Variants in ZNF133 observed in about 807,000 individuals in gnomAD.
ZNF133 encodes the protein zinc finger protein 133.
Under a neutral mutation model 54.9 loss-of-function variants are expected in ZNF133, and 26 were observed. The ratio of observed to expected loss-of-function variants is 0.47; its 90% CI spans 0.35 to 0.66. The LOEUF is 0.66. Among genes scored for constraint, ZNF133 ranks in the 30% least tolerant of loss-of-function variants. ZNF133 has a pLI of 0.01. For missense variants in ZNF133, 653 were observed against 820.8 expected (o/e 0.80, Z 2.50); for synonymous variants, 298 against 320.3 (o/e 0.93, Z 0.74).
intron 6 of ZNF133, among the ~76,000 whole-genome samples, chr20:18,307,182 G>GA (rs1312878369): frequency 6.6e-6 from 1 of 151,946 alleles, no homozygotes; most frequent in Admixed American, 6.5e-5. Flanking sequence ...TTAATTAAGA[G>GA]AAAAAATAGT....
intron 3 of ZNF133, among the ~76,000 whole-genome samples, chr20:18,302,575 A>T (rs146374969): frequency 1.2e-4 from 18 of 152,360 alleles, no homozygotes; most frequent in African/African-American, 4.1e-4. Flanking sequence ...ATATGCAAAA[A>T]TCTCACAGCT....
intron 6 of ZNF133, among the ~76,000 whole-genome samples, chr20:18,310,878 T>C (rs1180022383): frequency 6.6e-6 from 1 of 152,254 alleles, no homozygotes; most frequent in Non-Finnish European, 1.5e-5. Context: ...ATACATTTTT[T>C]GTCAATTTAA....
At position 18,316,108 on chromosome 20, in the gene ZNF133, C is replaced by G. The variant is rs1313498401; in HGVS notation, c.1257C>G (p.Phe419Leu). 5 of 1,612,516 alleles carry G rather than the reference C, an allele frequency of 3.1e-6. No homozygotes were observed. Among genetic ancestry groups the G allele is most frequent in the Non-Finnish European group, 4.2e-6 (5 of 1,179,134 alleles). The change falls in exon 7 of 7, where the codon TTC (phenylalanine) becomes TTG (leucine). Residue 419 changes from phenylalanine to leucine, a missense_variant. Phe to Leu is a conservative substitution (Grantham distance 22). This residue lies in a region of ZNF133 where 292 missense variants were observed against 431.6 expected (regional missense o/e 0.68). Coordinates refer to ENST00000425686, the MANE Select transcript of ZNF133 (RefSeq NM_001352452.2). ...TGTGCGGGGTGTGTGGGCACAGCTT[C>G]AGCCAGAATTCAACCCTCATCTCTC... ...PYVCGVCGHS[F>L]SQNSTLISHR...
At chr20:18,294,083 G>A (rs757758456) in intron 1 of ZNF133, among the ~76,000 whole-genome samples, 7 of 152,102 alleles carry the variant, frequency 4.6e-5, no homozygotes, top group Non-Finnish European at 8.8e-5. Context: ...TAATTATAAA[G>A]GGAAATGTAG....
At chr20:18,306,675 C>T (rs1291169677) in intron 6 of ZNF133, 1 of 1,292,586 alleles carries the variant, frequency 7.7e-7, no homozygotes, top group Non-Finnish European at 1.0e-6. Context: ...TATATATGGG[C>T]TTCTTTCTCT....
At chr20:18,298,893 G>A (rs116054925) in intron 3 of ZNF133, among the ~76,000 whole-genome samples, 4,149 of 152,212 alleles carry the variant, frequency 0.027, 217 homozygotes, top group African/African-American at 0.095. Flanking sequence ...GAAAACACCT[G>A]AGAAGACCTT....
Position 18,305,768 on chromosome 20 carries a change from G to C in ZNF133, c.82G>C (p.Glu28Gln). Residue 28 changes from glutamate (E) to glutamine (Q), a missense_variant, in exon 5 of 7, where the codon GAG (glutamate) becomes CAG (glutamine). Coordinates refer to ENST00000425686, the MANE Select transcript of ZNF133 (RefSeq NM_001352452.2). This position sits in a 1 kb window ranked among gnomAD's most constrained non-coding sequence, Gnocchi z 4.7. The stretch of plus-strand genomic sequence containing the variant: ...CCCTGCTCAAAGGACTCTGTACAGA[G>C]AGGTGATGCTGGAGAACTACAGCAA... ...LSPAQRTLYR[E>Q]VMLENYSNLV... 1 of 1,614,110 alleles carries C rather than the reference G, an allele frequency of 6.2e-7. No homozygotes were observed. Among genetic ancestry groups the C allele is most frequent in the Non-Finnish European group, 8.5e-7 (1 of 1,179,988 alleles).
Position 18,298,060 on chromosome 20 carries a change from A to T in ZNF133, c.-356A>T, listed in dbSNP as rs1053311938. ...CACAGGGTCCCGGAGAGCCAGGGGAATGGTGAGTGTTTCCTGTCTCCATTA... is the reference window on the plus strand; with the variant it reads ...CACAGGGTCCCGGAGAGCCAGGGGATTGGTGAGTGTTTCCTGTCTCCATTA... On this transcript the variant is annotated splice_region_variant and 5_prime_UTR_variant, in exon 2 of 7. It removes an upstream start codon present in the reference 5' UTR. Transcript: ENST00000425686. The T allele has an allele frequency of 5.9e-6, 9 of 1,535,520 alleles. 1 individual carries two copies. The Admixed American group carries it at 1.8e-4, about 30-fold the overall frequency.
chr20:18,306,619 T>C (rs1426190389), intron 6 of ZNF133: 1 of 1,030,284 alleles, frequency 9.7e-7, no homozygotes, highest in Admixed American at 3.0e-5. Flanking sequence ...AAGCCTTTTT[T>C]CCTCCCAGTG....
At chr20:18,303,485 A>G (rs1331420385) in intron 3 of ZNF133, among the ~76,000 whole-genome samples, 1 of 152,232 alleles carries the variant, frequency 6.6e-6, no homozygotes, top group African/African-American at 2.4e-5. Context: ...GACACTGAAT[A>G]CCTAAAACAA....
At chr20:18,296,126 A>C (rs546615205) in intron 1 of ZNF133, among the ~76,000 whole-genome samples, 1 of 152,256 alleles carries the variant, frequency 6.6e-6, no homozygotes, top group East Asian at 1.9e-4. Context: ...TTATCAGGAC[A>C]CAATGCCCTA....
rs146733282 is a variant in ZNF133 at position 18,316,680 on chromosome 20, C to T, written c.1829C>T (p.Thr610Met). The change falls in exon 7 of 7, where the codon ACG (threonine) becomes ATG (methionine). Residue 610 changes from threonine to methionine, a missense_variant. Thr to Met is a moderately conservative substitution (Grantham distance 81, BLOSUM62 -1). Transcript: ENST00000425686. ...GGGGAGAAGCCATATGTGTGCAAGA[C>T]GTGTGGGCGGGGCTTCAGCCTCAAG... ...HTGEKPYVCK[T>M]CGRGFSLKSH... The T allele has an allele frequency of 5.2e-5, 83 of 1,610,694 alleles. No homozygotes were observed. The highest frequency in any genetic ancestry group is 1.6e-4 in the Middle Eastern group (1 of 6,080).
intron 6 of ZNF133, among the ~76,000 whole-genome samples, chr20:18,309,789 A>G (rs1416759070): frequency 6.6e-6 from 1 of 152,242 alleles, no homozygotes; most frequent in East Asian, 1.9e-4. Context: ...TTACAAAACA[A>G]GGACATTCAT....
chr20:18,296,596 A>G lies in ZNF133; in HGVS notation c.-431-1389A>G, dbSNP rs187633928. Among the ~76,000 whole-genome samples, 317 of 152,180 alleles carry G rather than the reference A, an allele frequency of 2.1e-3. 4 individuals are homozygous for G. The highest frequency in any genetic ancestry group is 1.3e-3 in the Non-Finnish European group (88 of 67,998). ...TAGGTTCATGTTGTAGCATGTGTCA[A>G]TTTCCTTCCATTTTAAGTCTGAATA... On this transcript the variant is annotated intron_variant, in intron 1 of 6. Transcript: ENST00000425686.
rs1423092866 is a variant in ZNF133 at position 18,298,322 on chromosome 20, C to T, written c.-320C>T. 3 of 1,328,778 alleles carry T rather than the reference C, an allele frequency of 2.3e-6. No homozygotes were observed. The African/African-American group carries it at 4.5e-5, about 20-fold the overall frequency. The allele number at this position is 1,328,778 out of a possible 1,614,324, so 82.3% of individuals were successfully genotyped here. ...GTTCTGCTGCCTGAGAGTAACGTCA[C>T]AGTAATGGAACGGGAAGATTCTGGA... On this transcript the variant is annotated 5_prime_UTR_variant, in exon 3 of 7. It introduces an in-frame stop codon into an upstream open reading frame of the 5' UTR. Coordinates refer to ENST00000425686, the MANE Select transcript of ZNF133 (RefSeq NM_001352452.2).
chr20:18,306,939 C>A, intron 6 of ZNF133: 1 of 222,290 alleles, frequency 4.5e-6, no homozygotes, highest in Non-Finnish European at 7.5e-6. Context: ...AAAAAGTTTG[C>A]TGGCCCATGC....
Position 18,298,020 on chromosome 20 carries a change from A to T in ZNF133, c.-396A>T, listed in dbSNP as rs1466890038. On this transcript the variant is annotated 5_prime_UTR_variant, in exon 2 of 7. Transcript: ENST00000425686. Reference sequence around the variant, plus strand: ...TGAGATATCATCCTTCTTCAGGGAGATAAGGAAAAAAAGCCACAGGGTCCC... The same window carrying T: ...TGAGATATCATCCTTCTTCAGGGAGTTAAGGAAAAAAAGCCACAGGGTCCC... 2.1e-5 allele frequency: 33 copies of T among 1,535,126 alleles called. No individual in the cohort carries two copies. The highest frequency in any genetic ancestry group is 2.9e-5 in the Non-Finnish European group (33 of 1,146,690).
At chr20:18,310,457 G>GT (rs1686584705) in intron 6 of ZNF133, among the ~76,000 whole-genome samples, 1 of 152,188 alleles carries the variant, frequency 6.6e-6, no homozygotes, top group Non-Finnish European at 1.5e-5. Flanking sequence ...TTCAATAAAT[G>GT]TAACGGAATC....
chr20:18,309,106 C>T (rs1258368401), intron 6 of ZNF133, among the ~76,000 whole-genome samples: 3 of 152,194 alleles, frequency 2.0e-5, no homozygotes, highest in Admixed American at 2.0e-4. Context: ...ACATCTTTGT[C>T]GTCTCTTCCT....
Sources: gnomAD v4.1 joint callset for allele counts (sites outside exome capture counted in the v4.1 genomes callset) on GRCh38, gnomAD v4.1.1 for gene constraint, gnomAD v4.1.1 regional missense constraint, Gnocchi (gnomAD v3.1) non-coding constraint, MANE v1.5 for transcripts, NCBI Gene and HGNC (gene_info 2026-07-23, HGNC 2026-07-21) for gene names.